The following CRIM1 variants were observed in gnomAD, a reference collection of about 807,000 sequenced individuals.
The protein encoded by CRIM1 is cysteine rich transmembrane BMP regulator 1, also known as cysteine-rich motor neuron 1 protein.
CRIM1 carries 32 observed loss-of-function variants against 116.4 expected under a neutral mutation model. That is an observed-to-expected ratio of 0.27 (90% CI 0.21 to 0.37). The LOEUF is 0.37. CRIM1 is among the 10% of genes least tolerant of loss of function. The pLI, the probability that CRIM1 is intolerant of heterozygous loss-of-function variation, is 1.00. For missense variants in CRIM1, 1,331 were observed against 1,354.8 expected (o/e 0.98, Z 0.28); for synonymous variants, 590 against 509.2 (o/e 1.16, Z -2.13).
At chr2:36,405,821 TA>T (rs1306884920) in intron 2 of CRIM1, among the ~76,000 whole-genome samples, 1 of 152,242 alleles carries the variant, frequency 6.6e-6, no homozygotes, top group African/African-American at 2.4e-5. Flanking sequence ...ATTATGCAAT[TA>T]AAAAATTTTT....
At chr2:36,363,751 TA>T (rs1669404905) in intron 1 of CRIM1, among the ~76,000 whole-genome samples, 1 of 152,142 alleles carries the variant, frequency 6.6e-6, no homozygotes, top group African/African-American at 2.4e-5. Context: ...TGCTTCACAT[TA>T]TCTTCTGGGA....
At chr2:36,456,733 G>T (rs955530114) in intron 4 of CRIM1, among the ~76,000 whole-genome samples, 1 of 152,124 alleles carries the variant, frequency 6.6e-6, no homozygotes, top group Admixed American at 6.5e-5. Context: ...ACAGGGGCAC[G>T]GGCCCTGCGA....
chr2:36,382,386 C>G (rs939124765), intron 1 of CRIM1, among the ~76,000 whole-genome samples: 1 of 152,240 alleles, frequency 6.6e-6, no homozygotes. Context: ...TCCTGTGCAG[C>G]TGGAATCTCT....
intron 2 of CRIM1, among the ~76,000 whole-genome samples, chr2:36,440,976 C>T (rs1284470415): frequency 2.0e-5 from 3 of 152,204 alleles, no homozygotes; most frequent in Non-Finnish European, 4.4e-5. Flanking sequence ...ATCTTCCCTT[C>T]AGCTTTCTTC....
chr2:36,493,801 G>T, intron 7 of CRIM1, among the ~76,000 whole-genome samples: 1 of 152,090 alleles, frequency 6.6e-6, no homozygotes, highest in South Asian at 2.1e-4. Flanking sequence ...TTGTCATTTA[G>T]GCTACATATA....
intron 4 of CRIM1, among the ~76,000 whole-genome samples, chr2:36,449,534 G>A (rs1676524470): frequency 6.6e-6 from 1 of 152,212 alleles, no homozygotes; most frequent in Admixed American, 6.5e-5. Context: ...TGTGTCCAGA[G>A]CTAGAATCCA....
chr2:36,467,927 A>G (rs1003551748), intron 5 of CRIM1, among the ~76,000 whole-genome samples: 11 of 152,254 alleles, frequency 7.2e-5, no homozygotes, highest in Non-Finnish European at 1.3e-4. Flanking sequence ...GAAGTTGATC[A>G]TGTGCTTAAT....
chr2:36,375,152 A>G lies in CRIM1; in HGVS notation c.331+18529A>G, dbSNP rs557803534. Reference sequence around the variant, plus strand: ...ATGCCGTATGCTTTGCATATGCCATATGCTGTTGTTTCCAAGGATGTAAAG... The same window carrying G: ...ATGCCGTATGCTTTGCATATGCCATGTGCTGTTGTTTCCAAGGATGTAAAG... On this transcript the variant is annotated intron_variant, in intron 1 of 16. Transcript: ENST00000280527. Among the ~76,000 whole-genome samples the G allele has an allele frequency of 9.5e-4, 144 of 152,304 alleles. 1 individual carries two copies. Among genetic ancestry groups the G allele is most frequent in the Non-Finnish European group, 1.9e-3 (129 of 68,018 alleles).
At chr2:36,385,455 C>A (rs867675585) in intron 1 of CRIM1, among the ~76,000 whole-genome samples, 2 of 152,126 alleles carry the variant, frequency 1.3e-5, no homozygotes. Context: ...AAGAACCTCT[C>A]GTTTTCCTCG....
chr2:36,465,794 C>T (rs564435869), intron 5 of CRIM1, among the ~76,000 whole-genome samples: 1 of 152,248 alleles, frequency 6.6e-6, no homozygotes, highest in East Asian at 1.9e-4. Flanking sequence ...TCAGTTTCTA[C>T]ATCTCTAAAA....
chr2:36,416,829 G>A (rs1361242640), intron 2 of CRIM1, among the ~76,000 whole-genome samples: 1 of 152,218 alleles, frequency 6.6e-6, no homozygotes, highest in African/African-American at 2.4e-5. Flanking sequence ...GAGCTTTCCT[G>A]ATTAATGGGA....
At chr2:36,392,708 G>A (rs1022016343) in intron 1 of CRIM1, among the ~76,000 whole-genome samples, 4 of 152,304 alleles carry the variant, frequency 2.6e-5, no homozygotes, top group Non-Finnish European at 5.9e-5. Flanking sequence ...TACCAGAAAA[G>A]CATTTGTCTC....
At chr2:36,533,129 C>T (rs1231777720) in intron 13 of CRIM1, among the ~76,000 whole-genome samples, 1 of 152,052 alleles carries the variant, frequency 6.6e-6, no homozygotes, top group African/African-American at 2.4e-5. Flanking sequence ...GCTGTTTCCC[C>T]CAAAAGACTA....
chr2:36,484,038 C>T (rs756356342), intron 7 of CRIM1, among the ~76,000 whole-genome samples: 1 of 152,230 alleles, frequency 6.6e-6, no homozygotes, highest in Admixed American at 6.5e-5. Context: ...CCTGCATTGA[C>T]GGTTCACCCT....
At chr2:36,466,030 C>T (rs1334908236) in intron 5 of CRIM1, among the ~76,000 whole-genome samples, 2 of 139,942 alleles carry the variant, frequency 1.4e-5, no homozygotes, top group South Asian at 2.7e-4. Flanking sequence ...GGACTACAGG[C>T]GCCCGCCACC....
chr2:36,477,429 C>A (rs1679068779), intron 6 of CRIM1, among the ~76,000 whole-genome samples: 2 of 152,358 alleles, frequency 1.3e-5, no homozygotes, highest in South Asian at 4.1e-4. Flanking sequence ...CACCTCCTCA[C>A]CTCAGATTGC....
chr2:36,496,728 T>A (rs751492147), intron 7 of CRIM1, among the ~76,000 whole-genome samples: 9 of 152,234 alleles, frequency 5.9e-5, no homozygotes, highest in Non-Finnish European at 1.2e-4. Context: ...GATGTACATC[T>A]GTGACTGTGT....
intron 1 of CRIM1, among the ~76,000 whole-genome samples, chr2:36,394,821 A>G (rs1228895130): frequency 6.6e-6 from 1 of 152,108 alleles, no homozygotes; most frequent in African/African-American, 2.4e-5. Context: ...GAGATTTTCT[A>G]TTCTCCCTTT....
intron 2 of CRIM1, among the ~76,000 whole-genome samples, chr2:36,398,183 A>G (rs896391351): frequency 6.6e-6 from 1 of 152,166 alleles, no homozygotes; most frequent in South Asian, 2.1e-4. Context: ...AGTCATACAC[A>G]ATTTAGAATC....
Sources: gnomAD v4.1 joint callset for allele counts (sites outside exome capture counted in the v4.1 genomes callset) on GRCh38, gnomAD v4.1.1 for gene constraint, MANE v1.5 for transcripts, NCBI Gene and HGNC (gene_info 2026-07-23, HGNC 2026-07-21) for gene names.